CDKN2B-AS1: variants seen among roughly 807,000 people sequenced by gnomAD.
CDKN2B-AS1 encodes the protein CDKN2B and CDKN2A antisense cis and trans regulatory RNA 1.
chr9:22,027,291 A>C (rs2131237489), intron 1 of CDKN2B-AS1, among the ~76,000 whole-genome samples: 1 of 152,118 alleles, frequency 6.6e-6, no homozygotes, highest in South Asian at 2.1e-4. Flanking sequence ...GTTTTATTTT[A>C]AAAATTCTAG....
chr9:22,091,630 T>C (rs1208542055), intron 4 of CDKN2B-AS1, among the ~76,000 whole-genome samples: 1 of 152,172 alleles, frequency 6.6e-6, no homozygotes, highest in Non-Finnish European at 1.5e-5. Context: ...TCTCTGTCTG[T>C]TATTGGTGTA....
At chr9:22,015,724 G>T (rs1392876717) in intron 1 of CDKN2B-AS1, among the ~76,000 whole-genome samples, 5 of 152,080 alleles carry the variant, frequency 3.3e-5, no homozygotes, top group Non-Finnish European at 7.4e-5. Flanking sequence ...TGCCATGCTG[G>T]TGCGCTGCAC....
intron 4 of CDKN2B-AS1, among the ~76,000 whole-genome samples, chr9:22,105,595 C>T (rs1825631412): frequency 6.6e-6 from 1 of 152,166 alleles, no homozygotes; most frequent in Non-Finnish European, 1.5e-5. Flanking sequence ...AAGAGAGACT[C>T]AGGCAGATGC....
At chr9:22,082,370 A>C (rs1824728861) in intron 4 of CDKN2B-AS1, among the ~76,000 whole-genome samples, 1 of 152,178 alleles carries the variant, frequency 6.6e-6, no homozygotes, top group African/African-American at 2.4e-5. Context: ...CTCACTATTC[A>C]CATCAATCTC....
Position 22,056,630 on chromosome 9 carries a change from G to A in CDKN2B-AS1, n.438+243G>A, listed in dbSNP as rs529637298. Among the ~76,000 whole-genome samples the A allele has an allele frequency of 3.9e-4, 59 of 152,166 alleles. No individual in the cohort carries two copies. In the South Asian group the frequency reaches 6.4e-3, roughly 17 times the overall value. ...CCAATCTTCTTGGCCACAGTTTCTC[G>A]GTCTTCTTTTCTGGCTTCTCTTCCT... is the stretch of plus-strand genomic sequence containing the variant. On this transcript the variant is annotated intron_variant and non_coding_transcript_variant, in intron 4 of 4. Coordinates refer to ENST00000650946, the Ensembl canonical transcript of CDKN2B-AS1.
chr9:22,005,032 C>G lies in CDKN2B-AS1; in HGVS notation n.29+9871C>G. 1.3e-5 allele frequency: 3 copies of G among 233,232 alleles called. No individual in the cohort carries two copies. The highest frequency in any genetic ancestry group is 2.5e-5 in the Non-Finnish European group (3 of 118,050). 14.4% of individuals were successfully genotyped at this position (233,232 alleles called of 1,614,324 possible). On this transcript the variant is annotated intron_variant and non_coding_transcript_variant, in intron 1 of 4. Coordinates refer to ENST00000650946, the Ensembl canonical transcript of CDKN2B-AS1. This position sits in a 1 kb window ranked among gnomAD's most constrained non-coding sequence, Gnocchi z 4.9. ...CTTAAAATCTCCCCATTAAATAAGA[C>G]AGTTGCTGAACAACTAAAAAGTACA...
chr9:22,125,318 T>A (rs934275179), intron 4 of CDKN2B-AS1, among the ~76,000 whole-genome samples: 2 of 152,250 alleles, frequency 1.3e-5, no homozygotes, highest in Non-Finnish European at 2.9e-5. Flanking sequence ...CAATAAAGAA[T>A]GACCTTCATG....
rs1054726848 is a variant in CDKN2B-AS1, at chr9:22,006,668, A to C, written n.29+11507A>C. ...CCCTCCTCCATAATCCAGGTCTACA[A>C]ATATTTATTAGGTAGTCAACTACTG... On this transcript the variant is annotated intron_variant and non_coding_transcript_variant, in intron 1 of 4. Transcript: ENST00000650946. The surrounding 1 kb of genome is among the most constrained non-coding windows in gnomAD (Gnocchi z 6.4). Among the ~76,000 whole-genome samples, 1 of 152,202 alleles carries C rather than the reference A, an allele frequency of 6.6e-6. No homozygotes were observed. Among genetic ancestry groups the C allele is most frequent in the East Asian group, 1.9e-4 (1 of 5,202 alleles).
intron 4 of CDKN2B-AS1, chr9:22,092,285 T>C (rs777840062): frequency 1.3e-5 from 2 of 152,146 alleles, no homozygotes; most frequent in African/African-American, 2.4e-5. Context: ...AAAATTCTCT[T>C]TTTTTTGTTG....
intron 4 of CDKN2B-AS1, among the ~76,000 whole-genome samples, chr9:22,111,143 T>A (rs1209851088): frequency 6.6e-6 from 1 of 152,156 alleles, no homozygotes; most frequent in Non-Finnish European, 1.5e-5. Context: ...ACAATGTGGC[T>A]TTGAACATTC....
rs960389961 is a variant in CDKN2B-AS1 at position 22,003,794 on chromosome 9, TCAAA to T, written n.29+8639_29+8642del. Reference sequence around the variant, plus strand: ...TATTGTTGACATTTTAAAATAGTTTTCAAACAAACCGTTTATATTTACTAGAAGT... The same window carrying T: ...TATTGTTGACATTTTAAAATAGTTTTCAAACCGTTTATATTTACTAGAAGT... On this transcript the variant is annotated intron_variant and non_coding_transcript_variant, in intron 1 of 4. Transcript: ENST00000650946. 5.2e-5 allele frequency: 12 copies of T among 232,274 alleles called. No homozygotes were observed. The Admixed American group carries it at 6.8e-4, about 13-fold the overall frequency. 14.4% of individuals were successfully genotyped at this position (232,274 alleles called of 1,614,324 possible).
At chr9:22,054,124 A>G (rs937291910) in intron 3 of CDKN2B-AS1, among the ~76,000 whole-genome samples, 1 of 152,188 alleles carries the variant, frequency 6.6e-6, no homozygotes, top group African/African-American at 2.4e-5. Context: ...TATACACACT[A>G]TCTCATTTAA....
intron 1 of CDKN2B-AS1, among the ~76,000 whole-genome samples, chr9:22,043,802 T>C (rs1822998841): frequency 6.6e-6 from 1 of 152,004 alleles, no homozygotes; most frequent in Non-Finnish European, 1.5e-5. Flanking sequence ...TTTTTAAATA[T>C]ACTTTAATAT....
chr9:22,066,840 A>G (rs1001895148), intron 4 of CDKN2B-AS1, among the ~76,000 whole-genome samples: 1 of 152,066 alleles, frequency 6.6e-6, no homozygotes, highest in Non-Finnish European at 1.5e-5. Context: ...GATAGACTGG[A>G]TTAAGAAAAT....
intron 4 of CDKN2B-AS1, among the ~76,000 whole-genome samples, chr9:22,067,077 G>A (rs1001508004): frequency 1.2e-4 from 19 of 152,270 alleles, no homozygotes; most frequent in African/African-American, 4.6e-4. Context: ...GGTGGGGAGA[G>A]GAGGGAGGGA....
At chr9:22,047,721 C>T (rs749924251) in intron 2 of CDKN2B-AS1, among the ~76,000 whole-genome samples, 1 of 151,992 alleles carries the variant, frequency 6.6e-6, no homozygotes, top group African/African-American at 2.4e-5. Flanking sequence ...AAATATTTTC[C>T]CTTTAAGGAG....
At chr9:22,049,390 C>T (rs1587457216) in intron 3 of CDKN2B-AS1, among the ~76,000 whole-genome samples, 1 of 152,194 alleles carries the variant, frequency 6.6e-6, no homozygotes, top group East Asian at 1.9e-4. Context: ...GCCTCTGTGA[C>T]ATTTATCAAA....
Position 22,110,440 on chromosome 9 carries a change from G to T in CDKN2B-AS1, n.439-16663G>T, listed in dbSNP as rs563576838. ...CCCAGAAGTCTTGGAATACAACAGT[G>T]TACACAGATGAAGATACAGTACTTT... On this transcript the variant is annotated intron_variant and non_coding_transcript_variant, in intron 4 of 4. Coordinates refer to ENST00000650946, the Ensembl canonical transcript of CDKN2B-AS1. Among the ~76,000 whole-genome samples, 3 of 152,292 alleles carry T rather than the reference G, an allele frequency of 2.0e-5. No homozygotes were observed. In the South Asian group the frequency reaches 6.2e-4, roughly 32 times the overall value.
chr9:22,019,785 GAAGA>G (rs1487483149), intron 1 of CDKN2B-AS1, among the ~76,000 whole-genome samples: 7 of 152,062 alleles, frequency 4.6e-5, no homozygotes, highest in Non-Finnish European at 8.8e-5. Flanking sequence ...TTTGAATATA[GAAGA>G]AAGATTTACT....
Sources: allele counts gnomAD v4.1 joint callset (sites outside exome capture counted in the v4.1 genomes callset), GRCh38; gene constraint gnomAD v4.1.1; non-coding constraint Gnocchi (gnomAD v3.1); transcripts MANE v1.5; gene names NCBI Gene and HGNC (gene_info 2026-07-23, HGNC 2026-07-21).